Variants in PTPN22 observed in about 807,000 individuals in gnomAD.
PTPN22 encodes tyrosine-protein phosphatase non-receptor type 22.
In PTPN22, 85 loss-of-function variants were observed where a neutral mutation model predicts 103.3. The ratio of observed to expected loss-of-function variants is 0.82; its 90% CI spans 0.69 to 0.99. The LOEUF is 0.99. PTPN22 is among the 50% of genes least tolerant of loss of function. The pLI is 0.00. For missense variants in PTPN22, 865 were observed against 936.9 expected (o/e 0.92, Z 1.00); for synonymous variants, 323 against 310.2 (o/e 1.04, Z -0.43).
rs1381571631 is a variant in PTPN22 at position 113,832,261 on chromosome 1, C to G, written c.2053+850G>C. ...GGTGTGCAGTGGCGCAATCTCAGCT[C>G]ACTGCAACCTCCACCTCCCAGGTTC... On this transcript the variant is annotated intron_variant, in intron 16 of 20. Coordinates refer to ENST00000359785, the Ensembl canonical transcript of PTPN22. 2.0e-5 allele frequency among the ~76,000 whole-genome samples: 3 copies of G among 152,156 alleles called. No homozygotes were observed. In the East Asian group the frequency reaches 5.8e-4, roughly 29 times the overall value.
intron 3 of PTPN22, 69 bp downstream of exon 3, chr1:113,858,933 C>T: frequency 6.4e-7 from 1 of 1,554,266 alleles, no homozygotes; most frequent in Non-Finnish European, 8.7e-7. Context: ...GCCACTGAGT[C>T]CAGCCAGCCC....
intron 19 of PTPN22, chr1:113,823,213 C>G (rs1467747412): frequency 6.6e-6 from 1 of 152,128 alleles, no homozygotes; most frequent in Non-Finnish European, 1.5e-5. Context: ...TACAGAATGC[C>G]TGGAACATAG....
At chr1:113,831,893 C>T (rs1052914675) in intron 16 of PTPN22, among the ~76,000 whole-genome samples, 1 of 152,064 alleles carries the variant, frequency 6.6e-6, no homozygotes, top group Non-Finnish European at 1.5e-5. Flanking sequence ...CTATTCTAAC[C>T]CTGTGTAAGG....
At chr1:113,826,039 C>G (rs1424119621) in intron 18 of PTPN22, among the ~76,000 whole-genome samples, 1 of 151,792 alleles carries the variant, frequency 6.6e-6, no homozygotes, top group Non-Finnish European at 1.5e-5. Flanking sequence ...ATTATGCTAT[C>G]AGAATATTGA....
In PTPN22 at chr1:113,838,095, TC is replaced by T. The variant is rs771199202; in HGVS notation, c.1304del (p.Gly435GlufsTer10). 4 of 1,613,912 alleles carry T rather than the reference TC, an allele frequency of 2.5e-6. No homozygotes were observed. Among genetic ancestry groups the T allele is most frequent in the Non-Finnish European group, 3.4e-6 (4 of 1,180,038 alleles). ...TTGGCACCTTTGAATTAAAATATCT[TC>T]CTGCTGCATTTACAGGTTTAGAATT... On this transcript the variant is annotated frameshift_variant, in exon 13 of 21. Coordinates refer to ENST00000359785, the Ensembl canonical transcript of PTPN22. LOFTEE classifies it high-confidence loss of function.
chr1:113,843,671 A>G (rs1200685248), intron 11 of PTPN22, among the ~76,000 whole-genome samples: 2 of 152,236 alleles, frequency 1.3e-5, no homozygotes, highest in Non-Finnish European at 2.9e-5. Context: ...TGGCTAAAAT[A>G]GTAAATTAAA....
intron 19 of PTPN22, among the ~76,000 whole-genome samples, chr1:113,820,798 G>T: frequency 6.6e-6 from 1 of 152,056 alleles, no homozygotes; most frequent in East Asian, 1.9e-4. Context: ...TGTGTGAACT[G>T]CATATGCATA....
intron 11 of PTPN22, among the ~76,000 whole-genome samples, chr1:113,842,803 C>A (rs900438716): frequency 6.7e-6 from 1 of 150,044 alleles, no homozygotes; most frequent in African/African-American, 2.5e-5. Flanking sequence ...TATGGCTGTT[C>A]TAAAAGAAAA....
intron 20 of PTPN22, among the ~76,000 whole-genome samples, chr1:113,817,527 T>A (rs1226441244): frequency 6.6e-6 from 1 of 152,072 alleles, no homozygotes; most frequent in Non-Finnish European, 1.5e-5. Flanking sequence ...AGCCTCAACC[T>A]CCTGGGCTCA....
exon 13 of PTPN22, chr1:113,837,593 G>A: frequency 1.3e-6 from 2 of 1,557,768 alleles, no homozygotes; most frequent in Non-Finnish European, 1.8e-6. Flanking sequence ...AACTTACCTA[G>A]TACAGCTGAC....
intron 6 of PTPN22, 50 bp from the exon 7 acceptor site, chr1:113,856,491 T>A: frequency 6.2e-7 from 1 of 1,613,564 alleles, no homozygotes; most frequent in Non-Finnish European, 8.5e-7. Context: ...AGACAAGCTC[T>A]CTATAAGGTA....
At chr1:113,848,487 A>G (rs1664285693) in intron 11 of PTPN22, 53 bp downstream of exon 11, 2 of 1,606,674 alleles carry the variant, frequency 1.2e-6, no homozygotes, top group Non-Finnish European at 1.7e-6. Context: ...ACATCCCTTG[A>G]CCAAAAGCAA....
intron 20 of PTPN22, 40 bp downstream of exon 20, chr1:113,819,537 A>G: frequency 6.9e-7 from 1 of 1,447,494 alleles, no homozygotes; most frequent in Non-Finnish European, 9.6e-7. Flanking sequence ...TGAGTAATTT[A>G]GGTAATTTTT....
At chr1:113,854,389 G>A (rs1185035960) in intron 9 of PTPN22, 82 bp downstream of exon 9, 5 of 1,232,352 alleles carry the variant, frequency 4.1e-6, no homozygotes, top group Admixed American at 1.8e-5. Context: ...CATGAAGATA[G>A]ATGTTTTGAA....
At chr1:113,836,501 T>G (rs772555552) in intron 13 of PTPN22, among the ~76,000 whole-genome samples, 1 of 152,240 alleles carries the variant, frequency 6.6e-6, no homozygotes, top group Non-Finnish European at 1.5e-5. Context: ...TTCCAAATCC[T>G]GCAGGAAGAT....
intron 1 of PTPN22, among the ~76,000 whole-genome samples, chr1:113,862,826 G>A (rs1489734100): frequency 6.6e-6 from 1 of 152,170 alleles, no homozygotes; most frequent in Non-Finnish European, 1.5e-5. Context: ...AGTACAAGTG[G>A]TAAGGAATGG....
At chr1:113,856,728 C>G in intron 5 of PTPN22, 109 bp from the exon 6 acceptor site, 1 of 1,434,512 alleles carries the variant, frequency 7.0e-7, no homozygotes, top group Non-Finnish European at 9.6e-7. Flanking sequence ...AGGTTAGGTG[C>G]GTCTAACCCC....
intron 1 of PTPN22, among the ~76,000 whole-genome samples, chr1:113,869,042 C>A (rs113215598): frequency 2.5e-3 from 375 of 151,932 alleles, no homozygotes; most frequent in African/African-American, 8.6e-3. Flanking sequence ...CATGGTGGAA[C>A]CTTGTCTCTA....
At chr1:113,848,172 T>C (rs1369633962) in intron 11 of PTPN22, among the ~76,000 whole-genome samples, 1 of 151,780 alleles carries the variant, frequency 6.6e-6, no homozygotes, top group Non-Finnish European at 1.5e-5. Flanking sequence ...CCTCAGCCTC[T>C]GGAGTAGCTG....
Sources: allele counts gnomAD v4.1 joint callset (sites outside exome capture counted in the v4.1 genomes callset), GRCh38; gene constraint gnomAD v4.1.1; transcripts MANE v1.5; gene names NCBI Gene and HGNC (gene_info 2026-07-23, HGNC 2026-07-21).